The following QTMAN variants were observed in gnomAD, a reference collection of about 807,000 sequenced individuals.
The protein encoded by QTMAN is queuosine-tRNA mannosyltransferase.
At chr2:144,258,406 G>A in the QTMAN span, among the ~76,000 whole-genome samples, 1 of 152,136 alleles carries the variant, frequency 6.6e-6, no homozygotes, top group Non-Finnish European at 1.5e-5. Flanking sequence ...CGGAATTCAA[G>A]AGAGATAAAA....
At chr2:144,302,707 T>C in the QTMAN span, among the ~76,000 whole-genome samples, 1 of 152,186 alleles carries the variant, frequency 6.6e-6, no homozygotes, top group Non-Finnish European at 1.5e-5. Flanking sequence ...AGTACAGCAT[T>C]TGATGGGCTT....
At chr2:143,963,654 A>G in the QTMAN span, among the ~76,000 whole-genome samples, 1 of 152,042 alleles carries the variant, frequency 6.6e-6, no homozygotes, top group African/African-American at 2.4e-5. Context: ...AGGATATGTA[A>G]AGTAATATTC....
the QTMAN span, among the ~76,000 whole-genome samples, chr2:144,014,552 G>A: frequency 1.6e-4 from 25 of 152,182 alleles, no homozygotes; most frequent in Middle Eastern, 3.4e-3. Flanking sequence ...CTACTTATTG[G>A]CCTGAGTAAT....
chr2:144,165,529 A>G, the QTMAN span, among the ~76,000 whole-genome samples: 1 of 152,068 alleles, frequency 6.6e-6, no homozygotes, highest in African/African-American at 2.4e-5. Flanking sequence ...AGAGATGCTC[A>G]CTCTTAGGCT....
chr2:144,064,409 T>C, the QTMAN span, among the ~76,000 whole-genome samples: 1 of 152,184 alleles, frequency 6.6e-6, no homozygotes. Context: ...GTCTTAAACT[T>C]ATTTAGAAAA....
At chr2:144,192,699 T>C in the QTMAN span, among the ~76,000 whole-genome samples, 1 of 152,238 alleles carries the variant, frequency 6.6e-6, no homozygotes, top group Non-Finnish European at 1.5e-5. Context: ...TTTCAGCATA[T>C]TTGTAAGTTT....
chr2:144,153,731 T>C, the QTMAN span, among the ~76,000 whole-genome samples: 1 of 152,144 alleles, frequency 6.6e-6, no homozygotes, highest in Admixed American at 6.6e-5. Flanking sequence ...ACAGTTCATT[T>C]AAATCCATGG....
the QTMAN span, among the ~76,000 whole-genome samples, chr2:144,288,166 G>A: frequency 6.6e-6 from 1 of 152,064 alleles, no homozygotes; most frequent in Non-Finnish European, 1.5e-5. Flanking sequence ...ACCGAGTCCA[G>A]CAGCCAACAC....
At chr2:144,063,985 T>C in the QTMAN span, among the ~76,000 whole-genome samples, 1 of 152,228 alleles carries the variant, frequency 6.6e-6, no homozygotes, top group Non-Finnish European at 1.5e-5. Context: ...ACAGTAATAA[T>C]GCTTTGTTGA....
the QTMAN span, among the ~76,000 whole-genome samples, chr2:144,125,138 C>T: frequency 6.6e-6 from 1 of 151,966 alleles, no homozygotes; most frequent in African/African-American, 2.4e-5. Flanking sequence ...ATCTTAGAAT[C>T]CTCGACAAGC....
the QTMAN span, among the ~76,000 whole-genome samples, chr2:144,185,025 T>A: frequency 6.6e-6 from 1 of 151,590 alleles, no homozygotes; most frequent in South Asian, 2.2e-4. Context: ...TCCTGACCAC[T>A]TCTTAATTTG....
the QTMAN span, chr2:143,940,371 CTTGA>C: frequency 4.6e-5 from 7 of 152,132 alleles, no homozygotes; most frequent in East Asian, 1.9e-4. Context: ...TTATATTGTA[CTTGA>C]TTATCAGTTT....
chr2:144,103,618 A>G, the QTMAN span, among the ~76,000 whole-genome samples: 1 of 152,182 alleles, frequency 6.6e-6, no homozygotes, highest in Non-Finnish European at 1.5e-5. Context: ...AGTAAATGGT[A>G]TTTATAGCTA....
the QTMAN span, among the ~76,000 whole-genome samples, chr2:143,988,399 T>A: frequency 1.3e-5 from 2 of 152,182 alleles, no homozygotes; most frequent in African/African-American, 4.8e-5. Context: ...GATACCAATG[T>A]GGCCATATGC....
the QTMAN span, among the ~76,000 whole-genome samples, chr2:144,001,886 C>T: frequency 5.3e-5 from 8 of 151,820 alleles, no homozygotes; most frequent in East Asian, 5.8e-4. Context: ...TTAGGCAATT[C>T]CAATGGCTGG....
the QTMAN span, among the ~76,000 whole-genome samples, chr2:144,039,922 G>A: frequency 6.6e-6 from 1 of 152,184 alleles, no homozygotes; most frequent in African/African-American, 2.4e-5. Context: ...TGTCATTGAA[G>A]CTATTTGTAT....
chr2:144,186,504 A>G, the QTMAN span, among the ~76,000 whole-genome samples: 221 of 152,300 alleles, frequency 1.5e-3, no homozygotes, highest in Non-Finnish European at 2.4e-3. Context: ...ACTAATACAT[A>G]GATGTATGTG....
At chr2:144,007,945 A>ACTGGTCATTTCTGCT in the QTMAN span, among the ~76,000 whole-genome samples, 1 of 152,122 alleles carries the variant, frequency 6.6e-6, no homozygotes, top group Non-Finnish European at 1.5e-5. Context: ...CTTGATTAAC[A>ACTGGTCATTTCTGCT]CTGGTCATTT....
chr2:144,139,095 G>A, the QTMAN span, among the ~76,000 whole-genome samples: 5 of 152,012 alleles, frequency 3.3e-5, no homozygotes, highest in African/African-American at 4.8e-5. Context: ...AGAGAAAATA[G>A]GACAAGAGTG....
Sources: gnomAD v4.1 joint callset for allele counts (sites outside exome capture counted in the v4.1 genomes callset) on GRCh38, gnomAD v4.1.1 for gene constraint, MANE v1.5 for transcripts, NCBI Gene and HGNC (gene_info 2026-07-23, HGNC 2026-07-21) for gene names.